The following EEPD1 variants were observed in gnomAD, a reference collection of about 807,000 sequenced individuals.
The protein encoded by EEPD1 is endonuclease/exonuclease/phosphatase family domain-containing protein 1.
In EEPD1, 17 loss-of-function variants were observed where a neutral mutation model predicts 46.3. The ratio of observed to expected loss-of-function variants is 0.37; its 90% confidence interval spans 0.25 to 0.55. EEPD1 has a LOEUF of 0.55. Ranked by LOEUF, EEPD1 falls within the 20% of genes least tolerant of loss-of-function variation. The pLI, the probability that EEPD1 is intolerant of heterozygous loss-of-function variation, is 0.83. For synonymous variants in EEPD1, 313 were observed against 315.6 expected (o/e 0.99, Z 0.09); for missense variants, 673 against 745.6 (o/e 0.90, Z 1.13).
At chr7:36,222,601 A>G (rs1228216303) in intron 2 of EEPD1, among the ~76,000 whole-genome samples, 2 of 152,190 alleles carry the variant, frequency 1.3e-5, no homozygotes, top group African/African-American at 2.4e-5. Flanking sequence ...CAATAACAAA[A>G]TACTATATAC....
chr7:36,155,759 T>C (rs976304175), intron 2 of EEPD1, among the ~76,000 whole-genome samples: 2 of 152,168 alleles, frequency 1.3e-5, no homozygotes, highest in African/African-American at 4.8e-5. Flanking sequence ...AGCCCTAAAA[T>C]TGTAGCCCAA....
chr7:36,188,213 T>C (rs201894856), intron 2 of EEPD1, among the ~76,000 whole-genome samples: 33 of 141,040 alleles, frequency 2.3e-4, no homozygotes, highest in Admixed American at 1.8e-3. Context: ...TACTCTCTCT[T>C]TCTCTCTCTC....
chr7:36,200,910 C>T (rs1305671119), intron 2 of EEPD1, among the ~76,000 whole-genome samples: 1 of 152,174 alleles, frequency 6.6e-6, no homozygotes, highest in South Asian at 2.1e-4. Context: ...CACAAAGGGG[C>T]AAACAGCAAC....
intron 2 of EEPD1, among the ~76,000 whole-genome samples, chr7:36,196,900 G>A (rs369550370): frequency 6.7e-6 from 1 of 150,086 alleles, no homozygotes; most frequent in Non-Finnish European, 1.5e-5. Flanking sequence ...GAGCCCCTCT[G>A]CCTGGCTGCC....
At chr7:36,241,731 A>G (rs1786556725) in intron 3 of EEPD1, among the ~76,000 whole-genome samples, 1 of 152,080 alleles carries the variant, frequency 6.6e-6, no homozygotes, top group Non-Finnish European at 1.5e-5. Flanking sequence ...GCCAGGCGGT[A>G]GTGGCATGTG....
At chr7:36,291,316 G>A (rs934692682) in intron 6 of EEPD1, among the ~76,000 whole-genome samples, 4 of 152,166 alleles carry the variant, frequency 2.6e-5, no homozygotes, top group Admixed American at 1.3e-4. Flanking sequence ...ACTTGGTGTC[G>A]CAGTGGACAG....
intron 3 of EEPD1, among the ~76,000 whole-genome samples, chr7:36,274,817 C>T (rs868390173): frequency 2.0e-5 from 3 of 152,152 alleles, no homozygotes; most frequent in Admixed American, 1.3e-4. Context: ...CATCCCCATA[C>T]GCAAGCTCCT....
Position 36,281,885 on chromosome 7 carries a change from T to C in EEPD1, c.1041+660T>C, listed in dbSNP as rs1024329469. Among the ~76,000 whole-genome samples the C allele has an allele frequency of 7.9e-5, 12 of 152,360 alleles. No homozygotes were observed. The East Asian group carries it at 2.3e-3, about 29-fold the overall frequency. The stretch of plus-strand genomic sequence containing the variant: ...TATTATTACATAATTTTCCTATAAA[T>C]GCAGATTTTTAAATCCCTAGTATAC... On this transcript the variant is annotated intron_variant, in intron 4 of 7. Transcript: ENST00000242108.
intron 3 of EEPD1, among the ~76,000 whole-genome samples, chr7:36,240,027 C>T (rs192370182): frequency 6.6e-6 from 1 of 152,310 alleles, no homozygotes; most frequent in Non-Finnish European, 1.5e-5. Context: ...GTAGTCCCAG[C>T]ACTTTGGGAG....
In EEPD1 at chr7:36,162,775, G is replaced by A. The variant is rs1015977748; in HGVS notation, c.878+7573G>A. On this transcript the variant is annotated intron_variant, in intron 2 of 7. Transcript: ENST00000242108. ...CTGTGAATTCTATTTTGGTTCAGCC[G>A]TTACCTGATTAAGCTGTTAAGCTGG... is the stretch of plus-strand genomic sequence containing the variant. 7.2e-5 allele frequency among the ~76,000 whole-genome samples: 11 copies of A among 152,150 alleles called. 1 individual carries two copies. Among genetic ancestry groups the A allele is most frequent in the African/African-American group, 1.7e-4 (7 of 41,426 alleles).
chr7:36,284,677 C>G lies in EEPD1; in HGVS notation c.1042-9C>G, dbSNP rs760893877. The G allele has an allele frequency of 5.4e-5, 87 of 1,610,196 alleles. 1 individual carries two copies. In the South Asian group the frequency reaches 9.5e-4, roughly 18 times the overall value. On this transcript the variant is annotated splice_polypyrimidine_tract_variant and intron_variant, in intron 4 of 7. Transcript: ENST00000242108. ...TGGCACCAAGACTCTGTCTCCCTCT[C>G]CGCTGCAGGGAGCTGGGTATGCAGG... is the stretch of plus-strand genomic sequence containing the variant.
intron 3 of EEPD1, among the ~76,000 whole-genome samples, chr7:36,258,978 C>T (rs1445768603): frequency 6.6e-6 from 1 of 151,744 alleles, no homozygotes; most frequent in Non-Finnish European, 1.5e-5. Context: ...GTGATGTAGG[C>T]ACCTAAGGGA....
chr7:36,192,418 C>T (rs967025328), intron 2 of EEPD1, among the ~76,000 whole-genome samples: 1 of 152,194 alleles, frequency 6.6e-6, no homozygotes, highest in African/African-American at 2.4e-5. Context: ...TTCTGTCTGC[C>T]TGCTTCTCTG....
intron 3 of EEPD1, among the ~76,000 whole-genome samples, chr7:36,268,349 C>T (rs372369427): frequency 1.3e-5 from 2 of 152,138 alleles, no homozygotes; most frequent in Admixed American, 6.5e-5. Flanking sequence ...TTAGTGGAGA[C>T]GGGGTTTCAC....
chr7:36,254,493 T>C (rs753953358), intron 3 of EEPD1, among the ~76,000 whole-genome samples: 10 of 152,238 alleles, frequency 6.6e-5, no homozygotes, highest in Non-Finnish European at 1.5e-4. Context: ...TTCCATGGTA[T>C]ATATGTGCCA....
At chr7:36,201,432 G>T (rs1785711087) in intron 2 of EEPD1, among the ~76,000 whole-genome samples, 1 of 152,194 alleles carries the variant, frequency 6.6e-6, no homozygotes, top group Non-Finnish European at 1.5e-5. Context: ...ATGGAGAAAA[G>T]CACTCAGGTG....
At chr7:36,235,725 G>GT in intron 2 of EEPD1, among the ~76,000 whole-genome samples, 1 of 152,188 alleles carries the variant, frequency 6.6e-6, no homozygotes, top group Non-Finnish European at 1.5e-5. Context: ...TTGGGTGACT[G>GT]TTTTTCTTTA....
chr7:36,239,132 C>T lies in EEPD1; in HGVS notation c.930+96C>T, dbSNP rs3735404. 124 of 1,199,138 alleles carry T rather than the reference C, an allele frequency of 1.0e-4. No individual in the cohort carries two copies. In the East Asian group the frequency reaches 2.9e-3, roughly 28 times the overall value. 74.3% of individuals were successfully genotyped at this position (1,199,138 alleles called of 1,614,324 possible). A position where few individuals can be genotyped will look rare whatever the true frequency, so the allele number is the denominator to read the frequency against. ...TCCCTGTCACCAGAGACAGCCCCTACTGAAAAGACGGTCAGTTATTTTGTA... is the reference window on the plus strand; with the variant it reads ...TCCCTGTCACCAGAGACAGCCCCTATTGAAAAGACGGTCAGTTATTTTGTA... On this transcript the variant is annotated intron_variant, in intron 3 of 7. Transcript: ENST00000242108.
At chr7:36,207,887 A>AGTTT (rs1203132766) in intron 2 of EEPD1, among the ~76,000 whole-genome samples, 1 of 97,562 alleles carries the variant, frequency 1.0e-5, no homozygotes. Context: ...TCAGTGCAGG[A>AGTTT]GTTTTTTTTT....
Sources: allele counts gnomAD v4.1 joint callset (sites outside exome capture counted in the v4.1 genomes callset), GRCh38; gene constraint gnomAD v4.1.1; transcripts MANE v1.5; gene names NCBI Gene and HGNC (gene_info 2026-07-23, HGNC 2026-07-21).